LIPI: variants seen among roughly 807,000 people sequenced by gnomAD.
LIPI encodes lipase member I.
A neutral mutation model predicts 50.6 loss-of-function variants in LIPI; 59 were observed. The observed-to-expected ratio is 1.16, with a 90% CI of 0.94 to 1.45. The LOEUF (loss-of-function observed/expected upper bound fraction) is 1.45. LIPI is among the 40% of genes most tolerant of loss of function. LIPI has a pLI of 0.00. For missense variants in LIPI, 586 were observed against 536.3 expected (o/e 1.09, Z -0.92); for synonymous variants, 203 against 178.2 (o/e 1.14, Z -1.11).
chr21:14,210,849 G>T lies in LIPI; in HGVS notation c.-4C>A. 8.1e-7 allele frequency: 1 copy of T among 1,227,556 alleles called. No individual in the cohort carries two copies. The highest frequency in any genetic ancestry group is 1.0e-6 in the Non-Finnish European group (1 of 955,914). The allele number at this position is 1,227,556 out of a possible 1,614,324, so 76.0% of individuals were successfully genotyped here. The stretch of plus-strand genomic sequence containing the variant: ...AAAGAAAAATGTATACTCTCATTTG[G>T]AATCTGAGAAAAGCAAAAACAGCAC... On this transcript the variant is annotated 5_prime_UTR_variant, in exon 1 of 10. Transcript: ENST00000681601.
At chr21:14,210,505 CTTGAGT>C (rs1480101955) in intron 1 of LIPI, among the ~76,000 whole-genome samples, 2 of 149,794 alleles carry the variant, frequency 1.3e-5, no homozygotes, top group African/African-American at 5.1e-5. Context: ...ATTTTTTTCT[CTTGAGT>C]ATTTCTATTT....
At chr21:14,140,376 TAA>T (rs942589748) in intron 9 of LIPI, among the ~76,000 whole-genome samples, 155 of 152,250 alleles carry the variant, frequency 1.0e-3, no homozygotes, top group African/African-American at 3.6e-3. Context: ...GAACGTATTT[TAA>T]AAATATTTTT....
chr21:14,117,073 A>T (rs2016675081), intron 9 of LIPI, among the ~76,000 whole-genome samples: 1 of 152,142 alleles, frequency 6.6e-6, no homozygotes, highest in African/African-American at 2.4e-5. Context: ...TCAAAGGAGG[A>T]ACTCCAGGAT....
At chr21:14,130,811 G>C (rs1165325631) in intron 9 of LIPI, among the ~76,000 whole-genome samples, 1 of 133,450 alleles carries the variant, frequency 7.5e-6, no homozygotes, top group Non-Finnish European at 1.6e-5. Flanking sequence ...ACCCAACACA[G>C]CCACCAGGAA....
chr21:14,152,663 A>G lies in LIPI; in HGVS notation c.1028T>C (p.Ile343Thr). Residue 343 changes from isoleucine to threonine, a missense_variant, in exon 8 of 10, where the codon ATA (isoleucine) becomes ACA (threonine). Coordinates refer to ENST00000681601, the MANE Select transcript of LIPI (RefSeq NM_001302998.2). The stretch of plus-strand genomic sequence containing the variant: ...CATCATAGTTTTATCTGGAACAATT[A>G]TACTGAGAACAAAATAATAGGCTAC... ...PFCTYYFVLS[I>T]IVPDKTMMDG... 1 of 1,498,186 alleles carries G rather than the reference A, an allele frequency of 6.7e-7. No homozygotes were observed. Among genetic ancestry groups the G allele is most frequent in the East Asian group, 2.3e-5 (1 of 44,042 alleles). The allele number at this position is 1,498,186 out of a possible 1,614,324, so 92.8% of individuals were successfully genotyped here.
intron 1 of LIPI, among the ~76,000 whole-genome samples, chr21:14,202,144 CAAG>C (rs936462940): frequency 6.6e-6 from 1 of 152,108 alleles, no homozygotes; most frequent in Non-Finnish European, 1.5e-5. Flanking sequence ...AGGACCTCTT[CAAG>C]AAGAACTACA....
intron 1 of LIPI, among the ~76,000 whole-genome samples, chr21:14,201,105 T>A (rs571807065): frequency 5.3e-5 from 8 of 151,944 alleles, no homozygotes; most frequent in Non-Finnish European, 1.0e-4. Context: ...ATACAAAAAT[T>A]AACTGAAGAG....
At chr21:14,110,086 C>T (rs1432125184) in intron 9 of LIPI, among the ~76,000 whole-genome samples, 2 of 137,640 alleles carry the variant, frequency 1.5e-5, no homozygotes, top group Non-Finnish European at 3.2e-5. Context: ...AAAATGAACA[C>T]ATTACATTGA....
At chr21:14,158,928 T>C (rs1206597867) in intron 7 of LIPI, among the ~76,000 whole-genome samples, 1 of 151,214 alleles carries the variant, frequency 6.6e-6, no homozygotes, top group Non-Finnish European at 1.5e-5. Context: ...CTACAAAACC[T>C]CAACCAAGCT....
chr21:14,170,132 T>C (rs2123185862), intron 4 of LIPI, among the ~76,000 whole-genome samples: 2 of 152,284 alleles, frequency 1.3e-5, no homozygotes, highest in Middle Eastern at 6.8e-3. Flanking sequence ...GATAAATTCC[T>C]CAACACATAC....
At chr21:14,116,158 T>A (rs929019652) in intron 9 of LIPI, among the ~76,000 whole-genome samples, 33 of 152,114 alleles carry the variant, frequency 2.2e-4, no homozygotes, top group Admixed American at 8.5e-4. Flanking sequence ...TGAGAGAGGC[T>A]CGTTTCATCT....
At chr21:14,210,568 A>G (rs2020336316) in intron 1 of LIPI, among the ~76,000 whole-genome samples, 1 of 152,008 alleles carries the variant, frequency 6.6e-6, no homozygotes, top group African/African-American at 2.4e-5. Context: ...CTAGTTACTA[A>G]TTATCTGGCA....
chr21:14,208,066 T>G (rs2020273119), intron 1 of LIPI, among the ~76,000 whole-genome samples: 1 of 152,182 alleles, frequency 6.6e-6, no homozygotes, highest in African/African-American at 2.4e-5. Context: ...GGGCATCTGA[T>G]TTTAGTAAGT....
At chr21:14,204,884 A>C (rs1164226414) in intron 1 of LIPI, among the ~76,000 whole-genome samples, 1 of 151,944 alleles carries the variant, frequency 6.6e-6, no homozygotes, top group Non-Finnish European at 1.5e-5. Context: ...GGAAGAAACC[A>C]GGAAGCCAAT....
intron 9 of LIPI, among the ~76,000 whole-genome samples, chr21:14,117,063 T>C (rs747306690): frequency 2.0e-4 from 31 of 151,948 alleles, no homozygotes; most frequent in Non-Finnish European, 3.7e-4. Flanking sequence ...GCTTGATAAA[T>C]CAAAGGAGGA....
At position 14,153,944 on chromosome 21, in the gene LIPI, C is replaced by G. The variant is rs539069846; in HGVS notation, c.1007-1260G>C. On this transcript the variant is annotated intron_variant, in intron 7 of 9. Coordinates refer to ENST00000681601, the MANE Select transcript of LIPI (RefSeq NM_001302998.2). ...TACACTATTTATATGTTGAAAGACC[C>G]CCACAAATTTACATTAAAATGCTTC... Among the ~76,000 whole-genome samples the G allele has an allele frequency of 1.3e-4, 19 of 151,702 alleles. No homozygotes were observed. The South Asian group carries it at 2.1e-3, about 17-fold the overall frequency.
intron 1 of LIPI, among the ~76,000 whole-genome samples, chr21:14,203,686 G>T (rs1427624547): frequency 6.6e-6 from 1 of 152,030 alleles, no homozygotes; most frequent in Admixed American, 6.6e-5. Flanking sequence ...GCCTGTTGTG[G>T]GGTGTGGGTA....
At chr21:14,166,828 G>T (rs549464461) in intron 4 of LIPI, among the ~76,000 whole-genome samples, 1 of 152,210 alleles carries the variant, frequency 6.6e-6, no homozygotes, top group Non-Finnish European at 1.5e-5. Context: ...GAGGTACCGG[G>T]TTCATCTCAC....
intron 9 of LIPI, among the ~76,000 whole-genome samples, chr21:14,118,278 C>A (rs150761693): frequency 6.6e-6 from 1 of 151,948 alleles, no homozygotes; most frequent in African/African-American, 2.4e-5. Flanking sequence ...TGTAGTAGGG[C>A]GCTGAAAAAT....
Sources: gnomAD v4.1 joint callset for allele counts (sites outside exome capture counted in the v4.1 genomes callset) on GRCh38, gnomAD v4.1.1 for gene constraint, MANE v1.5 for transcripts, NCBI Gene and HGNC (gene_info 2026-07-23, HGNC 2026-07-21) for gene names.